The following ANKRD44 variants were observed in gnomAD, a reference collection of about 807,000 sequenced individuals.
ANKRD44 encodes the protein ankyrin repeat domain 44, also known as serine/threonine-protein phosphatase 6 regulatory ankyrin repeat subunit B.
A neutral mutation model predicts 116.0 loss-of-function variants in ANKRD44; 35 were observed. That is an observed-to-expected ratio of 0.30 (90% confidence interval 0.23 to 0.40). The LOEUF (loss-of-function observed/expected upper bound fraction) is 0.40, where lower values mean the gene tolerates loss of function less well. ANKRD44 is among the 10% of genes least tolerant of loss of function. The probability of loss-of-function intolerance (pLI) is 1.00; values close to 1 mark genes in which losing one functional copy is unlikely to be tolerated. For synonymous variants in ANKRD44, 435 were observed against 461.8 expected, an observed-to-expected ratio of 0.94 and a Z score of 0.74; for missense variants, 1,014 against 1,242.6, an observed-to-expected ratio of 0.82 and a Z score of 2.77.
intron 16 of ANKRD44, among the ~76,000 whole-genome samples, chr2:197,049,846 A>G (rs1325090513): frequency 6.6e-6 from 1 of 152,126 alleles, no homozygotes; most frequent in Non-Finnish European, 1.5e-5. Flanking sequence ...TTCCTGGGGT[A>G]CCTTTTCAGT....
chr2:197,091,950 T>C (rs1350024250), intron 10 of ANKRD44, among the ~76,000 whole-genome samples: 1 of 152,168 alleles, frequency 6.6e-6, no homozygotes, highest in Admixed American at 6.5e-5. Context: ...AAGGACTTTA[T>C]AGACCGACCC....
At chr2:197,235,271 G>A (rs980468718) in intron 1 of ANKRD44, among the ~76,000 whole-genome samples, 3 of 152,112 alleles carry the variant, frequency 2.0e-5, no homozygotes, top group Non-Finnish European at 4.4e-5. Flanking sequence ...TGAAATTTCC[G>A]AATTCAAACA....
intron 2 of ANKRD44, among the ~76,000 whole-genome samples, chr2:197,168,484 CCAT>C (rs1319425728): frequency 6.6e-6 from 1 of 152,108 alleles, no homozygotes; most frequent in Non-Finnish European, 1.5e-5. Flanking sequence ...TTATTAAACC[CCAT>C]CATCATTTCC....
Position 197,310,689 on chromosome 2 carries a change from C to A in ANKRD44, c.-85G>T. On this transcript the variant is annotated 5_prime_UTR_variant, in exon 1 of 28. Transcript: ENST00000282272. ...GAGCCGGGGAAGCGGAAGGGATTGC[C>A]AGGAGAAGGGAAAAAATCTGGCTCC... 1 of 1,253,652 alleles carries A rather than the reference C, an allele frequency of 8.0e-7. No individual in the cohort carries two copies. Among genetic ancestry groups the A allele is most frequent in the Non-Finnish European group, 1.0e-6 (1 of 973,382 alleles). 77.7% of individuals were successfully genotyped at this position (1,253,652 alleles called of 1,614,324 possible).
rs143576851 is a variant in ANKRD44, at chr2:197,028,978, T to A, written c.1651-3711A>T. 293 of 157,432 alleles carry A rather than the reference T, an allele frequency of 1.9e-3. 2 individuals carry two copies. In the East Asian group the frequency reaches 0.034, roughly 18 times the overall value. 9.8% of individuals were successfully genotyped at this position (157,432 alleles called of 1,614,324 possible). On this transcript the variant is annotated intron_variant, in intron 16 of 27. Coordinates refer to ENST00000282272, the MANE Select transcript of ANKRD44 (RefSeq NM_001195144.2). ...TTTTTCTTTTTTTTTTTAGGATATT[T>A]TTATTATTATTATTATCATACTTTA...
chr2:197,124,853 C>T (rs1206455734), intron 6 of ANKRD44, among the ~76,000 whole-genome samples: 5 of 152,180 alleles, frequency 3.3e-5, no homozygotes, highest in Admixed American at 2.6e-4. Flanking sequence ...CTCTCCCAAG[C>T]GGGTAGAAAT....
At chr2:196,993,514 T>C in intron 27 of ANKRD44, 69 bp downstream of exon 27, 1 of 1,284,960 alleles carries the variant, frequency 7.8e-7, no homozygotes, top group South Asian at 1.3e-5. Context: ...CTCCTATCTT[T>C]CTCATTTCCT....
intron 6 of ANKRD44, among the ~76,000 whole-genome samples, chr2:197,124,488 T>C (rs565925571): frequency 3.9e-5 from 6 of 152,348 alleles, no homozygotes; most frequent in Admixed American, 1.3e-4. Context: ...AAATGAGAAT[T>C]ATATTATTTA....
At chr2:197,265,705 T>A (rs1167656178) in intron 1 of ANKRD44, among the ~76,000 whole-genome samples, 1 of 152,164 alleles carries the variant, frequency 6.6e-6, no homozygotes, top group African/African-American at 2.4e-5. Context: ...TTGAGACCAT[T>A]TATGAACAAA....
Position 197,137,715 on chromosome 2 carries a change from C to A in ANKRD44, c.191-1053G>T, listed in dbSNP as rs116770765. On this transcript the variant is annotated intron_variant, in intron 3 of 27. Coordinates refer to ENST00000282272, the MANE Select transcript of ANKRD44 (RefSeq NM_001195144.2). The stretch of plus-strand genomic sequence containing the variant: ...ACAGCTGGAATGCCTCCCATCCAAC[C>A]TCCACTTTGATTTCATTGGTTTCAG... 7.1e-3 allele frequency among the ~76,000 whole-genome samples: 1,083 copies of A among 152,302 alleles called. 9 individuals are homozygous for A. Among genetic ancestry groups the A allele is most frequent in the Non-Finnish European group, 0.013 (901 of 68,016 alleles).
intron 1 of ANKRD44, among the ~76,000 whole-genome samples, chr2:197,205,631 C>A (rs1347345777): frequency 6.6e-6 from 1 of 152,144 alleles, no homozygotes; most frequent in African/African-American, 2.4e-5. Context: ...TCTCCAAGTG[C>A]CGATGGTGGG....
At chr2:197,238,491 A>G (rs1217956903) in intron 1 of ANKRD44, among the ~76,000 whole-genome samples, 3 of 152,166 alleles carry the variant, frequency 2.0e-5, no homozygotes, top group Non-Finnish European at 2.9e-5. Context: ...CTATGATGAC[A>G]ACCTTGACAA....
At chr2:197,063,946 G>A (rs1289356720) in intron 16 of ANKRD44, among the ~76,000 whole-genome samples, 2 of 152,118 alleles carry the variant, frequency 1.3e-5, no homozygotes, top group Non-Finnish European at 2.9e-5. Flanking sequence ...AGGAAATACA[G>A]AGAACGCCAC....
chr2:197,248,572 G>C (rs4994406), intron 1 of ANKRD44, among the ~76,000 whole-genome samples: 1 of 109,690 alleles, frequency 9.1e-6, no homozygotes, highest in East Asian at 3.2e-4. Context: ...GTGTGTGTGT[G>C]TGTGTGTATA....
At chr2:196,973,302 A>G (rs182952463) in intron 21 of ANKRD44, among the ~76,000 whole-genome samples, 1 of 152,072 alleles carries the variant, frequency 6.6e-6, no homozygotes, top group Non-Finnish European at 1.5e-5. Context: ...TGTTTTTCCT[A>G]TCACTTTATA....
chr2:197,248,855 C>T (rs957548255), intron 1 of ANKRD44, among the ~76,000 whole-genome samples: 1 of 151,830 alleles, frequency 6.6e-6, no homozygotes, highest in Non-Finnish European at 1.5e-5. Flanking sequence ...GGTGGGGGTG[C>T]TGGAATTGAG....
chr2:197,024,946 T>G (rs1181994713), intron 17 of ANKRD44, among the ~76,000 whole-genome samples: 1 of 152,214 alleles, frequency 6.6e-6, no homozygotes, highest in Non-Finnish European at 1.5e-5. Flanking sequence ...CTCTTTTCAT[T>G]TGCCCTCATT....
At chr2:197,133,928 TTTTC>T (rs1182046299) in intron 4 of ANKRD44, 2 of 32,204 alleles carry the variant, frequency 6.2e-5, no homozygotes, top group Non-Finnish European at 1.5e-4. Flanking sequence ...TTTTCCTTTC[TTTTC>T]TTTTCTTTTT....
chr2:197,112,714 A>AG, intron 8 of ANKRD44, among the ~76,000 whole-genome samples: 2 of 148,150 alleles, frequency 1.3e-5, no homozygotes, highest in Middle Eastern at 6.8e-3. Context: ...TCTCAAAAAA[A>AG]AAAAAAAAGA....
Sources: allele counts gnomAD v4.1 joint callset (sites outside exome capture counted in the v4.1 genomes callset), GRCh38; gene constraint gnomAD v4.1.1; transcripts MANE v1.5; gene names NCBI Gene and HGNC (gene_info 2026-07-23, HGNC 2026-07-21).